The following PCDHGA8 variants were observed in gnomAD, a reference collection of about 807,000 sequenced individuals.
PCDHGA8 encodes the protein protocadherin gamma subfamily A, 8.
A neutral mutation model predicts 59.2 loss-of-function variants in PCDHGA8; 45 were observed. That is an observed-to-expected ratio of 0.76 (90% CI 0.60 to 0.98). The LOEUF (loss-of-function observed/expected upper bound fraction) is 0.98, where lower values mean the gene tolerates loss of function less well. PCDHGA8 is among the 50% of genes least tolerant of loss of function. The probability of loss-of-function intolerance (pLI) is 0.00; values close to 1 mark genes in which losing one functional copy is unlikely to be tolerated. For missense variants in PCDHGA8, 1,257 were observed against 1,196.2 expected (o/e 1.05, Z -0.75); for synonymous variants, 531 against 519.0 (o/e 1.02, Z -0.32).
intron 1 of PCDHGA8, chr5:141,395,873 G>A (rs1430280971): frequency 6.6e-6 from 1 of 152,046 alleles, no homozygotes; most frequent in Non-Finnish European, 1.5e-5. Flanking sequence ...TTAAGTATGT[G>A]AGTCAGTGGT....
At position 141,432,807 on chromosome 5, in the gene PCDHGA8, ACT is replaced by A. The variant is rs542925824; in HGVS notation, c.2424+37573_2424+37574del. On this transcript the variant is annotated intron_variant, in intron 1 of 3. Coordinates refer to ENST00000398604, the MANE Select transcript of PCDHGA8 (RefSeq NM_032088.2). This position sits in a 1 kb window ranked among gnomAD's most constrained non-coding sequence, Gnocchi z 6.0. ...CTCGGCAGCCTCGAGTCTCCAGCTA[ACT>A]CTGAAACCTCAGACCTCACTCTGTA... 352 of 1,613,946 alleles carry A rather than the reference ACT, an allele frequency of 2.2e-4. 2 individuals carry two copies. The African/African-American group carries it at 4.2e-3, about 19-fold the overall frequency.
At chr5:141,403,875 A>T in intron 1 of PCDHGA8, 1 of 1,613,816 alleles carries the variant, frequency 6.2e-7, no homozygotes, top group Non-Finnish European at 8.5e-7. Flanking sequence ...AAAAGTCTAG[A>T]TTATGAAGAA....
intron 1 of PCDHGA8, chr5:141,423,769 CATAT>C (rs2096780943): frequency 8.2e-7 from 1 of 1,219,458 alleles, no homozygotes; most frequent in South Asian, 2.2e-5. Context: ...GGTGGGGCGG[CATAT>C]ATTTAGTTCA....
At chr5:141,419,137 C>T (rs764281503) in intron 1 of PCDHGA8, 1 of 1,613,892 alleles carries the variant, frequency 6.2e-7, no homozygotes, top group Non-Finnish European at 8.5e-7. Flanking sequence ...CAGCCACAGA[C>T]AGGGGCAAGC....
At chr5:141,478,020 A>G (rs1315422039) in intron 1 of PCDHGA8, 2 of 1,613,976 alleles carry the variant, frequency 1.2e-6, no homozygotes, top group Non-Finnish European at 1.7e-6. Flanking sequence ...CGTCCAGTCC[A>G]AGACACAGAT....
rs2093168204 is a variant in PCDHGA8 at position 141,395,092 on chromosome 5, C to CT, written c.2279_2280insT (p.Ala761ArgfsTer26). 2.5e-6 allele frequency: 4 copies of CT among 1,614,088 alleles called. No homozygotes were observed. Among genetic ancestry groups the CT allele is most frequent in the Non-Finnish European group, 3.4e-6 (4 of 1,180,040 alleles). ...ACCTATTCCCAGGAAGTCTCCCTCA[C>CT]CGCCGACTCGCGGAAGAGTCACCTG... On this transcript the variant is annotated frameshift_variant, in exon 1 of 4. Transcript: ENST00000398604. LOFTEE classifies it high-confidence loss of function.
At chr5:141,444,834 A>G (rs892892307) in intron 1 of PCDHGA8, among the ~76,000 whole-genome samples, 1 of 152,132 alleles carries the variant, frequency 6.6e-6, no homozygotes, top group African/African-American at 2.4e-5. Context: ...TTGTAGCTTT[A>G]TAGTAAGTCT....
intron 1 of PCDHGA8, chr5:141,402,899 G>A: frequency 6.6e-7 from 1 of 1,516,814 alleles, no homozygotes; most frequent in Non-Finnish European, 8.8e-7. Context: ...GAAAGAACCT[G>A]ATGAAGCAGC....
In PCDHGA8 at chr5:141,485,179, C is replaced by G. The variant is rs1405000217; in HGVS notation, c.2425-9628C>G. The G allele has an allele frequency of 1.2e-6, 2 of 1,612,648 alleles. No homozygotes were observed. Among genetic ancestry groups the G allele is most frequent in the African/African-American group, 2.7e-5 (2 of 74,924 alleles). ...AGAATTAGCGGGCGGCAGCAATGCT[C>G]CGCAAGGTGAGAAGCTGGACAGAAA... is the stretch of plus-strand genomic sequence containing the variant. On this transcript the variant is annotated intron_variant, in intron 1 of 3. Transcript: ENST00000398604. This position sits in a 1 kb window ranked among gnomAD's most constrained non-coding sequence, Gnocchi z 5.7.
chr5:141,459,406 A>C (rs2098967498), intron 1 of PCDHGA8, among the ~76,000 whole-genome samples: 1 of 152,218 alleles, frequency 6.6e-6, no homozygotes, highest in Admixed American at 6.5e-5. Flanking sequence ...GCAGTATTGC[A>C]TTGTGTGGAT....
chr5:141,417,004 AT>A (rs1462550813), intron 1 of PCDHGA8: 1 of 149,888 alleles, frequency 6.7e-6, no homozygotes, highest in African/African-American at 2.5e-5. Context: ...ATCTCAAATA[AT>A]TCTATTATTT....
intron 1 of PCDHGA8, chr5:141,413,476 G>A: frequency 6.2e-7 from 1 of 1,614,122 alleles, no homozygotes; most frequent in Non-Finnish European, 8.5e-7. Context: ...GGAGCTCTGC[G>A]CTCAGAGCGC....
intron 1 of PCDHGA8, among the ~76,000 whole-genome samples, chr5:141,442,926 T>C (rs2098353621): frequency 6.6e-6 from 1 of 152,240 alleles, no homozygotes; most frequent in African/African-American, 2.4e-5. Flanking sequence ...TGTTTCATTT[T>C]CTATTTAAGA....
At chr5:141,478,189 C>T (rs774322691) in intron 1 of PCDHGA8, 1 of 1,614,020 alleles carries the variant, frequency 6.2e-7, no homozygotes, top group South Asian at 1.1e-5. Context: ...AAAATCTCAC[C>T]TTTTATCTAC....
intron 1 of PCDHGA8, among the ~76,000 whole-genome samples, chr5:141,483,945 ATTGTG>A (rs2099589210): frequency 8.3e-6 from 1 of 120,394 alleles, no homozygotes; most frequent in Non-Finnish European, 1.6e-5. Context: ...TACGGTGTGA[ATTGTG>A]TTGTGTTTCT....
At chr5:141,409,614 T>C in intron 1 of PCDHGA8, 1 of 1,613,880 alleles carries the variant, frequency 6.2e-7, no homozygotes, top group Non-Finnish European at 8.5e-7. Flanking sequence ...GGAGCCTCCA[T>C]TGCGCAAGTG....
At chr5:141,456,936 C>G (rs1012944904) in intron 1 of PCDHGA8, among the ~76,000 whole-genome samples, 20 of 152,190 alleles carry the variant, frequency 1.3e-4, no homozygotes, top group African/African-American at 4.3e-4. Context: ...GCACTCCAGC[C>G]TGGGCAACAG....
intron 1 of PCDHGA8, among the ~76,000 whole-genome samples, chr5:141,438,325 A>C (rs1400796518): frequency 6.6e-6 from 1 of 151,948 alleles, no homozygotes; most frequent in African/African-American, 2.4e-5. Context: ...AATTTTTCTT[A>C]TACATGTCAT....
chr5:141,404,018 G>A (rs1280619437), intron 1 of PCDHGA8: 1 of 1,613,864 alleles, frequency 6.2e-7, no homozygotes, highest in African/African-American at 1.3e-5. Flanking sequence ...GTTTAGCCCA[G>A]TGAGAGAAGA....
Sources: allele counts gnomAD v4.1 joint callset (sites outside exome capture counted in the v4.1 genomes callset), GRCh38; gene constraint gnomAD v4.1.1; non-coding constraint Gnocchi (gnomAD v3.1); transcripts MANE v1.5; gene names NCBI Gene and HGNC (gene_info 2026-07-23, HGNC 2026-07-21).